PRKN: variants seen among roughly 807,000 people sequenced by gnomAD.
The protein encoded by PRKN is parkin RBR E3 ubiquitin protein ligase.
In PRKN, 56 loss-of-function variants were observed where a neutral mutation model predicts 59.5. The observed-to-expected ratio is 0.94, with a 90% CI of 0.76 to 1.18. The LOEUF (loss-of-function observed/expected upper bound fraction) is 1.18. Among genes scored for constraint, PRKN ranks in the 50% most tolerant of loss-of-function variants. The pLI is 0.00. For synonymous variants in PRKN, 250 were observed against 222.1 expected, an observed-to-expected ratio of 1.13 and a Z score of -1.12; for missense variants, 657 against 596.4, an observed-to-expected ratio of 1.10 and a Z score of -1.06.
At chr6:161,857,287 T>A (rs1199004021) in intron 6 of PRKN, among the ~76,000 whole-genome samples, 4 of 152,144 alleles carry the variant, frequency 2.6e-5, no homozygotes, top group African/African-American at 7.2e-5. Context: ...ACATCCTCTA[T>A]CAGAACGGCT....
chr6:162,011,449 T>TATATG lies in PRKN; in HGVS notation c.619-38033_619-38032insCATAT, dbSNP rs1387228391. On this transcript the variant is annotated intron_variant, in intron 5 of 11. Coordinates refer to ENST00000366898, the MANE Select transcript of PRKN (RefSeq NM_004562.3). ...TAATATATATGTTATATATTTATAATATATAATATATATATTATAATATAT... is the reference window on the plus strand; with the variant it reads ...TAATATATATGTTATATATTTATAATATATGATATAATATATATATTATAATATAT... Among the ~76,000 whole-genome samples the TATATG allele has an allele frequency of 9.4e-5, 2 of 21,334 alleles. 1 individual carries two copies. Among genetic ancestry groups the TATATG allele is most frequent in the Non-Finnish European group, 1.2e-4 (2 of 16,066 alleles). The allele number at this position is 21,334 out of a possible 152,430, so 14.0% of individuals were successfully genotyped here. A position where few individuals can be genotyped will look rare whatever the true frequency, so the allele number is the denominator to read the frequency against.
intron 7 of PRKN, among the ~76,000 whole-genome samples, chr6:161,674,273 T>G (rs1481013802): frequency 6.6e-6 from 1 of 152,060 alleles, no homozygotes; most frequent in Non-Finnish European, 1.5e-5. Context: ...AGACTGGCTG[T>G]CAAAGGATGG....
At chr6:161,719,490 T>A (rs1466281771) in intron 7 of PRKN, among the ~76,000 whole-genome samples, 2 of 152,210 alleles carry the variant, frequency 1.3e-5, no homozygotes, top group Admixed American at 1.3e-4. Flanking sequence ...TCTGCAACAC[T>A]GCTTTCAGAT....
rs1166358754 is a variant in PRKN, at chr6:161,407,688, C to T, written c.1084-20811G>A. ...ATACGTCCAGATGGCCTGCAGGAGCCAAGAAGTCTGAAGCAGCCAAAGAAA... is the reference window on the plus strand; with the variant it reads ...ATACGTCCAGATGGCCTGCAGGAGCTAAGAAGTCTGAAGCAGCCAAAGAAA... On this transcript the variant is annotated intron_variant, in intron 9 of 11. Transcript: ENST00000366898. The surrounding 1 kb of genome is among the most constrained non-coding windows in gnomAD (Gnocchi z 4.9). Among the ~76,000 whole-genome samples the T allele has an allele frequency of 6.6e-6, 1 of 152,122 alleles. No individual in the cohort carries two copies. The highest frequency in any genetic ancestry group is 2.4e-5 in the African/African-American group (1 of 41,406).
Position 161,440,757 on chromosome 6 carries a change from C to A in PRKN, c.1084-53880G>T, listed in dbSNP as rs1014360057. 2.6e-5 allele frequency among the ~76,000 whole-genome samples: 4 copies of A among 152,196 alleles called. No homozygotes were observed. Among genetic ancestry groups the A allele is most frequent in the Admixed American group, 2.6e-4 (4 of 15,284 alleles). ...CAATGCCACCTGAAGGTCCTGAGAG[C>A]TCCCTGACATCATTCAGGACTGAAG... On this transcript the variant is annotated intron_variant, in intron 9 of 11. Transcript: ENST00000366898. This position sits in a 1 kb window ranked among gnomAD's most constrained non-coding sequence, Gnocchi z 4.1.
intron 1 of PRKN, among the ~76,000 whole-genome samples, chr6:162,513,274 T>C (rs1349833663): frequency 2.0e-5 from 3 of 151,074 alleles, no homozygotes; most frequent in Non-Finnish European, 4.4e-5. Flanking sequence ...AGGTGAGGAG[T>C]TCTAGACCAG....
intron 7 of PRKN, among the ~76,000 whole-genome samples, chr6:161,777,870 GTATACGTATA>G (rs1790019928): frequency 7.0e-6 from 1 of 142,278 alleles, no homozygotes; most frequent in Admixed American, 7.2e-5. Context: ...ATATGTATAT[GTATACGTATA>G]TATGTATATA....
chr6:162,224,765 C>A (rs1337467964), intron 3 of PRKN, among the ~76,000 whole-genome samples: 2 of 152,102 alleles, frequency 1.3e-5, no homozygotes, highest in Admixed American at 6.6e-5. Flanking sequence ...GTATTATACG[C>A]CCTAGGGAGA....
intron 6 of PRKN, among the ~76,000 whole-genome samples, chr6:161,901,865 T>C (rs1251226152): frequency 6.6e-6 from 1 of 152,196 alleles, no homozygotes. Flanking sequence ...CCTCTGACCC[T>C]GCTGCTGCAG....
intron 7 of PRKN, among the ~76,000 whole-genome samples, chr6:161,668,896 T>C (rs545156819): frequency 1.6e-4 from 25 of 152,282 alleles, no homozygotes; most frequent in African/African-American, 6.0e-4. Flanking sequence ...CTGACCTTCT[T>C]CTACCCCACT....
At chr6:162,072,544 A>T in intron 4 of PRKN, among the ~76,000 whole-genome samples, 1 of 152,160 alleles carries the variant, frequency 6.6e-6, no homozygotes, top group Middle Eastern at 3.2e-3. Context: ...TCCATAAATA[A>T]TCCATTTTTA....
chr6:161,564,548 G>A lies in PRKN; in HGVS notation c.933+4807C>T, dbSNP rs117360035. 9.7e-4 allele frequency among the ~76,000 whole-genome samples: 147 copies of A among 152,156 alleles called. 2 individuals carry two copies. The East Asian group carries it at 0.022, about 23-fold the overall frequency. Reference sequence around the variant, plus strand: ...GGCGTGTCCCTGAGGACACTACTTCGCCTGCAGCACCCTCAAATGTTTTTG... The same window carrying A: ...GGCGTGTCCCTGAGGACACTACTTCACCTGCAGCACCCTCAAATGTTTTTG... On this transcript the variant is annotated intron_variant, in intron 8 of 11. Transcript: ENST00000366898.
At chr6:161,926,403 C>G (rs1339488785) in intron 6 of PRKN, among the ~76,000 whole-genome samples, 2 of 152,178 alleles carry the variant, frequency 1.3e-5, no homozygotes, top group Non-Finnish European at 1.5e-5. Flanking sequence ...TCATCTCCCT[C>G]ACTTGACTTA....
At position 161,630,996 on chromosome 6, in the gene PRKN, G is replaced by A. The variant is rs145356546; in HGVS notation, c.872-61580C>T. Among the ~76,000 whole-genome samples the A allele has an allele frequency of 4.1e-3, 631 of 152,330 alleles. 3 individuals are homozygous for A. The highest frequency in any genetic ancestry group is 0.014 in the African/African-American group (598 of 41,562). On this transcript the variant is annotated intron_variant, in intron 7 of 11. Transcript: ENST00000366898. Reference sequence around the variant, plus strand: ...GCATCCCCAGGGGTGTTTGCGGGCAGCACTACCCCAGAAGGGTGGGGCCAC... The same window carrying A: ...GCATCCCCAGGGGTGTTTGCGGGCAACACTACCCCAGAAGGGTGGGGCCAC...
At chr6:162,294,972 ATACT>A (rs554696420) in intron 2 of PRKN, among the ~76,000 whole-genome samples, 2 of 152,320 alleles carry the variant, frequency 1.3e-5, no homozygotes, top group Admixed American at 1.3e-4. Flanking sequence ...CCTAGTAACC[ATACT>A]TATTAGCTAA....
At position 161,480,744 on chromosome 6, in the gene PRKN, G is replaced by A. The variant is rs1791350797; in HGVS notation, c.1083+68110C>T. On this transcript the variant is annotated intron_variant, in intron 9 of 11. Coordinates refer to ENST00000366898, the MANE Select transcript of PRKN (RefSeq NM_004562.3). The surrounding 1 kb of genome is among the most constrained non-coding windows in gnomAD (Gnocchi z 4.1). ...AGTGAATGTTTTCTCTTGCCAGAAA[G>A]TATAATTAGTAATTTCAGGCCTTAT... is the stretch of plus-strand genomic sequence containing the variant. Among the ~76,000 whole-genome samples, 1 of 152,232 alleles carries A rather than the reference G, an allele frequency of 6.6e-6. No homozygotes were observed.
chr6:161,756,012 G>A (rs973527759), intron 7 of PRKN, among the ~76,000 whole-genome samples: 1 of 152,112 alleles, frequency 6.6e-6, no homozygotes, highest in African/African-American at 2.4e-5. Flanking sequence ...CAGCTGGGTT[G>A]AAATTGATCA....
intron 1 of PRKN, among the ~76,000 whole-genome samples, chr6:162,656,338 C>G (rs957009393): frequency 1.3e-5 from 2 of 152,186 alleles, no homozygotes; most frequent in African/African-American, 2.4e-5. Flanking sequence ...TGTGGCCCTA[C>G]GCAGCCACTA....
At chr6:162,615,748 G>A (rs2023010) in intron 1 of PRKN, among the ~76,000 whole-genome samples, 139,443 of 152,214 alleles carry the variant, frequency 0.92, 64,028 homozygotes, top group Admixed American at 0.97. Flanking sequence ...GAAAAATACA[G>A]TGTAAAATCA....
Sources: allele counts gnomAD v4.1 joint callset (sites outside exome capture counted in the v4.1 genomes callset), GRCh38; gene constraint gnomAD v4.1.1; non-coding constraint Gnocchi (gnomAD v3.1); transcripts MANE v1.5; gene names NCBI Gene and HGNC (gene_info 2026-07-23, HGNC 2026-07-21).